The following RBFOX1 variants were observed in gnomAD, a reference collection of about 807,000 sequenced individuals.
RBFOX1 encodes the protein RNA binding protein fox-1 homolog 1.
Under a neutral mutation model 57.7 loss-of-function variants are expected in RBFOX1, and 8 were observed. That is an observed-to-expected ratio of 0.14 (90% CI 0.08 to 0.25). RBFOX1 has a LOEUF of 0.25. Ranked by LOEUF, RBFOX1 falls within the 10% of genes least tolerant of loss-of-function variation. The probability of loss-of-function intolerance (pLI) is 1.00; values close to 1 mark genes in which losing one functional copy is unlikely to be tolerated. For missense variants in RBFOX1, 611 were observed against 548.5 expected, an observed-to-expected ratio of 1.11 and a Z score of -1.14; for synonymous variants, 326 against 222.4, an observed-to-expected ratio of 1.47 and a Z score of -4.15.
chr16:7,521,660 A>C (rs2077535380), intron 5 of RBFOX1, among the ~76,000 whole-genome samples: 1 of 152,220 alleles, frequency 6.6e-6, no homozygotes, highest in African/African-American at 2.4e-5. Flanking sequence ...GTTAATTATG[A>C]TAACGTGCCA....
At chr16:7,048,000 G>A (rs1324781923) in intron 3 of RBFOX1, among the ~76,000 whole-genome samples, 2 of 150,432 alleles carry the variant, frequency 1.3e-5, no homozygotes, top group Admixed American at 6.6e-5. Context: ...TGTCTCAGCC[G>A]TCTGAGTAGC....
intron 5 of RBFOX1, among the ~76,000 whole-genome samples, chr16:7,547,401 G>A (rs1401427127): frequency 6.6e-6 from 1 of 152,208 alleles, no homozygotes; most frequent in Admixed American, 6.5e-5. Context: ...TATTAAGTGA[G>A]CACCTTGCCT....
At chr16:7,152,304 A>T (rs1224815894) in intron 4 of RBFOX1, among the ~76,000 whole-genome samples, 1 of 152,144 alleles carries the variant, frequency 6.6e-6, no homozygotes, top group African/African-American at 2.4e-5. Flanking sequence ...GGAAAGAGAG[A>T]TGTTGCTACC....
At chr16:6,264,626 C>T (rs927425967) in intron 1 of RBFOX1, among the ~76,000 whole-genome samples, 1 of 152,114 alleles carries the variant, frequency 6.6e-6, no homozygotes, top group Non-Finnish European at 1.5e-5. Context: ...TGCTCATACT[C>T]TCCCCACCGC....
At chr16:6,317,538 T>C (rs1296874906) in intron 2 of RBFOX1, among the ~76,000 whole-genome samples, 1 of 116,536 alleles carries the variant, frequency 8.6e-6, no homozygotes, top group Admixed American at 9.2e-5. Flanking sequence ...ATCTGAAAAT[T>C]ACTGCAAAAA....
downstream of RBFOX1, among the ~76,000 whole-genome samples, chr16:5,604,033 A>G (rs537911486): frequency 1.4e-4 from 21 of 152,172 alleles, no homozygotes; most frequent in Non-Finnish European, 2.1e-4. Context: ...CCCCCCTTCT[A>G]TACTCCAGGC....
At chr16:5,511,533 T>C (rs2043593008) in intron 2 of RBFOX1, among the ~76,000 whole-genome samples, 1 of 152,234 alleles carries the variant, frequency 6.6e-6, no homozygotes, top group South Asian at 2.1e-4. Flanking sequence ...CATCTGTTAC[T>C]TCCCTCCTTC....
At chr16:6,782,769 G>A (rs1042533660) in intron 3 of RBFOX1, among the ~76,000 whole-genome samples, 1 of 152,162 alleles carries the variant, frequency 6.6e-6, no homozygotes, top group African/African-American at 2.4e-5. Context: ...CATTAAGTCA[G>A]ATGTGTCTTT....
chr16:7,552,953 G>T (rs2087049359), intron 5 of RBFOX1, among the ~76,000 whole-genome samples: 1 of 152,074 alleles, frequency 6.6e-6, no homozygotes, highest in African/African-American at 2.4e-5. Context: ...AAAGCACTGG[G>T]ATTACAGGTG....
At position 6,019,464 on chromosome 16, in the gene RBFOX1, G is replaced by C. The variant is rs1176887456; in HGVS notation, c.-655G>C. The C allele has an allele frequency of 3.0e-6, 3 of 995,674 alleles. No homozygotes were observed. Among genetic ancestry groups the C allele is most frequent in the Non-Finnish European group, 3.6e-6 (3 of 837,114 alleles). The allele number at this position is 995,674 out of a possible 1,614,324, so 61.7% of individuals were successfully genotyped here. On this transcript the variant is annotated 5_prime_UTR_variant, in exon 1 of 16. Coordinates refer to ENST00000550418, the MANE Select transcript of RBFOX1 (RefSeq NM_018723.4). The surrounding 1 kb of genome is among the most constrained non-coding windows in gnomAD (Gnocchi z 4.2). Reference sequence around the variant, plus strand: ...TCGGGTGGGGAAACCCGAACTCGCGGAGGGGAATCCCTCCCCCTCCGCCCC... The same window carrying C: ...TCGGGTGGGGAAACCCGAACTCGCGCAGGGGAATCCCTCCCCCTCCGCCCC...
chr16:5,337,497 T>C (rs1239606380), intron 1 of RBFOX1, among the ~76,000 whole-genome samples: 3 of 152,234 alleles, frequency 2.0e-5, no homozygotes, highest in Non-Finnish European at 4.4e-5. Context: ...TTGTCCCTTC[T>C]CAGACTACAT....
chr16:5,665,239 C>T (rs535764706), intron 3 of RBFOX1, among the ~76,000 whole-genome samples: 7 of 152,100 alleles, frequency 4.6e-5, no homozygotes, highest in South Asian at 2.1e-4. Context: ...GCAGGAGCCA[C>T]TGCTTCTGGC....
intron 1 of RBFOX1, among the ~76,000 whole-genome samples, chr16:5,281,578 T>G (rs571878581): frequency 6.6e-6 from 1 of 152,352 alleles, no homozygotes; most frequent in Admixed American, 6.5e-5. Flanking sequence ...CTAGATTTCA[T>G]AATATTTGCT....
intron 4 of RBFOX1, among the ~76,000 whole-genome samples, chr16:7,200,732 C>A (rs1010936152): frequency 2.6e-5 from 4 of 152,018 alleles, no homozygotes; most frequent in Admixed American, 2.6e-4. Context: ...GAGAGGGATC[C>A]CCATTAAGAT....
chr16:6,399,960 G>C (rs2093002319), intron 2 of RBFOX1, among the ~76,000 whole-genome samples: 1 of 152,096 alleles, frequency 6.6e-6, no homozygotes, highest in African/African-American at 2.4e-5. Flanking sequence ...TACAGCATGA[G>C]GGTAGCCAGC....
At position 6,223,750 on chromosome 16, in the gene RBFOX1, G is replaced by C. The variant is rs566094246; in HGVS notation, c.-126-93245G>C. Among the ~76,000 whole-genome samples the C allele has an allele frequency of 2.6e-5, 4 of 152,214 alleles. No individual in the cohort carries two copies. The East Asian group carries it at 7.7e-4, about 29-fold the overall frequency. ...TTTGGCTTTTGTTGCCATTGCTTTT[G>C]GTGTTTTAGACATGAAGTCCTTGCC... On this transcript the variant is annotated intron_variant, in intron 1 of 15. Coordinates refer to ENST00000550418, the MANE Select transcript of RBFOX1 (RefSeq NM_018723.4).
chr16:6,911,017 G>A (rs1387171087), intron 3 of RBFOX1, among the ~76,000 whole-genome samples: 2 of 151,932 alleles, frequency 1.3e-5, no homozygotes, highest in African/African-American at 4.8e-5. Flanking sequence ...CCTGGTCAAC[G>A]TGGTGAAACC....
intron 3 of RBFOX1, among the ~76,000 whole-genome samples, chr16:5,667,575 T>C (rs1045748256): frequency 6.6e-6 from 1 of 152,258 alleles, no homozygotes; most frequent in Non-Finnish European, 1.5e-5. Context: ...TGGCCTGTAC[T>C]AGAAGTGTAC....
intron 4 of RBFOX1, among the ~76,000 whole-genome samples, chr16:7,320,713 T>C (rs982834761): frequency 8.5e-5 from 13 of 152,336 alleles, no homozygotes; most frequent in African/African-American, 2.9e-4. Flanking sequence ...AATTGAGATA[T>C]AAACAGATGT....
Sources: allele counts gnomAD v4.1 joint callset (sites outside exome capture counted in the v4.1 genomes callset), GRCh38; gene constraint gnomAD v4.1.1; non-coding constraint Gnocchi (gnomAD v3.1); transcripts MANE v1.5; gene names NCBI Gene and HGNC (gene_info 2026-07-23, HGNC 2026-07-21).